THADA: variants seen among roughly 807,000 people sequenced by gnomAD.
THADA encodes THADA armadillo repeat containing.
In THADA, 213 loss-of-function variants were observed where a neutral mutation model predicts 219.8. The ratio of observed to expected loss-of-function variants is 0.97; its 90% CI spans 0.87 to 1.09. The LOEUF (loss-of-function observed/expected upper bound fraction) is 1.09, where lower values mean the gene tolerates loss of function less well. Among genes scored for constraint, THADA ranks in the 50% least tolerant of loss-of-function variants. The probability of loss-of-function intolerance (pLI) is 0.00; values close to 1 mark genes in which losing one functional copy is unlikely to be tolerated. For missense variants in THADA, 2,956 were observed against 2,311.3 expected (o/e 1.28, Z -5.72); for synonymous variants, 1,018 against 828.9 (o/e 1.23, Z -3.92).
chr2:43,347,968 C>G lies in THADA; in HGVS notation c.4228-3731G>C, dbSNP rs564513250. 1.3e-3 allele frequency among the ~76,000 whole-genome samples: 196 copies of G among 152,182 alleles called. 1 individual carries two copies. In the South Asian group the frequency reaches 0.017, roughly 13 times the overall value. ...GAGATCTGTAACTTGGAGAAAAAAG[C>G]CAGGGGCAGTGTGGAGGTCATAGCA... On this transcript the variant is annotated intron_variant, in intron 29 of 37. Coordinates refer to ENST00000405975, the MANE Select transcript of THADA (RefSeq NM_022065.5).
At chr2:43,585,327 T>C (rs538866319) in intron 7 of THADA, among the ~76,000 whole-genome samples, 15 of 140,390 alleles carry the variant, frequency 1.1e-4, no homozygotes, top group Non-Finnish European at 1.8e-4. Flanking sequence ...CTGGGCATTA[T>C]AGTGAGACCT....
chr2:43,292,562 T>C (rs1039861294), intron 32 of THADA, among the ~76,000 whole-genome samples: 4 of 152,228 alleles, frequency 2.6e-5, no homozygotes, highest in Non-Finnish European at 5.9e-5. Context: ...TAATGATCTG[T>C]TTCCTAAACA....
chr2:43,269,629 G>A (rs1031052745), intron 36 of THADA, among the ~76,000 whole-genome samples: 2 of 152,246 alleles, frequency 1.3e-5, no homozygotes, highest in African/African-American at 2.4e-5. Context: ...CCCACCCACT[G>A]CAGCTGGCAG....
chr2:43,304,696 G>C (rs1676652151), intron 31 of THADA, among the ~76,000 whole-genome samples: 1 of 148,416 alleles, frequency 6.7e-6, no homozygotes, highest in South Asian at 2.1e-4. Flanking sequence ...TTTTGTGATG[G>C]AGTCTCACTC....
Position 43,487,778 on chromosome 2 carries a change from A to G in THADA, c.3745-2453T>C, listed in dbSNP as rs188742017. 4.6e-5 allele frequency among the ~76,000 whole-genome samples: 7 copies of G among 152,294 alleles called. No individual in the cohort carries two copies. In the East Asian group the frequency reaches 1.4e-3, roughly 29 times the overall value. On this transcript the variant is annotated intron_variant, in intron 25 of 37. Coordinates refer to ENST00000405975, the MANE Select transcript of THADA (RefSeq NM_022065.5). The stretch of plus-strand genomic sequence containing the variant: ...AAAAGGTGCTATCTATGAACCAGAA[A>G]GTAGGCCTTCACCAGACACTGAATC...
At chr2:43,427,030 T>C (rs766465343) in intron 28 of THADA, among the ~76,000 whole-genome samples, 8 of 152,172 alleles carry the variant, frequency 5.3e-5, no homozygotes, top group African/African-American at 1.7e-4. Flanking sequence ...GAAGTGGTAA[T>C]AGGCTCTAAA....
intron 15 of THADA, chr2:43,563,208 A>T (rs6712861): frequency 0.4 from 61,174 of 152,114 alleles, 13,703 homozygotes; most frequent in African/African-American, 0.61. Context: ...CTATAAGCAC[A>T]GCTTTTGCTG....
intron 28 of THADA, among the ~76,000 whole-genome samples, chr2:43,418,779 C>A (rs983071259): frequency 2.0e-5 from 3 of 151,814 alleles, no homozygotes; most frequent in African/African-American, 7.3e-5. Flanking sequence ...AGGGGGCCCT[C>A]CAAGGAGAGA....
At chr2:43,577,825 G>T (rs1010377068) in intron 9 of THADA, among the ~76,000 whole-genome samples, 11 of 151,706 alleles carry the variant, frequency 7.3e-5, no homozygotes, top group African/African-American at 2.7e-4. Context: ...TCTCAATAAA[G>T]AATACATTTA....
intron 29 of THADA, chr2:43,371,835 C>A (rs1213366387): frequency 1.3e-5 from 2 of 151,686 alleles, no homozygotes; most frequent in African/African-American, 4.9e-5. Context: ...TTTCCCTTTT[C>A]TGGTGCACTA....
chr2:43,513,685 T>C (rs1240067562), intron 22 of THADA, among the ~76,000 whole-genome samples: 2 of 152,042 alleles, frequency 1.3e-5, no homozygotes, highest in Non-Finnish European at 2.9e-5. Context: ...GGAAAGAGCC[T>C]AGAAAGAGAT....
chr2:43,320,912 T>TG (rs1253420910), intron 30 of THADA, among the ~76,000 whole-genome samples: 2 of 151,984 alleles, frequency 1.3e-5, no homozygotes, highest in Non-Finnish European at 2.9e-5. Flanking sequence ...TATAGAAATT[T>TG]GGGGGAAAAA....
At chr2:43,390,862 A>G (rs1673289290) in intron 29 of THADA, among the ~76,000 whole-genome samples, 1 of 152,144 alleles carries the variant, frequency 6.6e-6, no homozygotes, top group Non-Finnish European at 1.5e-5. Flanking sequence ...ATGACATCAA[A>G]TCCCATTTTA....
At chr2:43,456,495 G>C (rs571712359) in intron 26 of THADA, among the ~76,000 whole-genome samples, 14 of 152,136 alleles carry the variant, frequency 9.2e-5, no homozygotes, top group Admixed American at 8.5e-4. Flanking sequence ...ATACCACACA[G>C]TGGCAGTGTA....
chr2:43,555,696 C>G (rs1296655393), intron 17 of THADA, among the ~76,000 whole-genome samples: 1 of 152,052 alleles, frequency 6.6e-6, no homozygotes, highest in Non-Finnish European at 1.5e-5. Flanking sequence ...TCTCCCATTA[C>G]TAGTTCTCTT....
At chr2:43,235,460 ATTTTGT>A (rs2104020188) in intron 36 of THADA, among the ~76,000 whole-genome samples, 1 of 149,558 alleles carries the variant, frequency 6.7e-6, no homozygotes, top group East Asian at 2.0e-4. Flanking sequence ...CACCCGGCTA[ATTTTGT>A]ATTTTTAGTA....
intron 26 of THADA, among the ~76,000 whole-genome samples, chr2:43,455,085 G>A (rs1365782061): frequency 6.6e-6 from 1 of 151,980 alleles, no homozygotes; most frequent in Non-Finnish European, 1.5e-5. Flanking sequence ...TCTCCTTTCT[G>A]AACTTCTGTA....
At chr2:43,522,979 T>C (rs547250598) in intron 22 of THADA, among the ~76,000 whole-genome samples, 1 of 152,100 alleles carries the variant, frequency 6.6e-6, no homozygotes, top group African/African-American at 2.4e-5. Flanking sequence ...TCTTAGTTAT[T>C]CTTTATTTAA....
At position 43,578,594 on chromosome 2, in the gene THADA, C is replaced by CT; in HGVS notation, c.734dup (p.Thr246AspfsTer15). The CT allele has an allele frequency of 6.2e-7, 1 of 1,603,244 alleles. No individual in the cohort carries two copies. Among genetic ancestry groups the CT allele is most frequent in the Non-Finnish European group, 8.5e-7 (1 of 1,174,316 alleles). On this transcript the variant is annotated frameshift_variant, in exon 9 of 38. Coordinates refer to ENST00000405975, the MANE Select transcript of THADA (RefSeq NM_022065.5). LOFTEE classifies it high-confidence loss of function. Reference sequence around the variant, plus strand: ...CTAATCCAGATGTGCTCTGTACAGTCTGTAACAGATCATCTATTTGGCAAA... The same window carrying CT: ...CTAATCCAGATGTGCTCTGTACAGTCTTGTAACAGATCATCTATTTGGCAAA...
Sources: gnomAD v4.1 joint callset for allele counts (sites outside exome capture counted in the v4.1 genomes callset) on GRCh38, gnomAD v4.1.1 for gene constraint, MANE v1.5 for transcripts, NCBI Gene and HGNC (gene_info 2026-07-23, HGNC 2026-07-21) for gene names.